LRP1B: variants seen among roughly 807,000 people sequenced by gnomAD.
LRP1B encodes the protein low-density lipoprotein receptor-related protein 1B.
Under a neutral mutation model 556.6 loss-of-function variants are expected in LRP1B, and 217 were observed. The observed-to-expected ratio is 0.39, with a 90% CI of 0.35 to 0.44. LRP1B has a LOEUF of 0.44. LRP1B is among the 20% of genes least tolerant of loss of function. The pLI is 1.00. For synonymous variants in LRP1B, 2,047 were observed against 1,865.8 expected (o/e 1.10, Z -2.50); for missense variants, 5,053 against 5,620.8 (o/e 0.90, Z 3.23).
intron 2 of LRP1B, among the ~76,000 whole-genome samples, chr2:141,541,267 G>C (rs1685250232): frequency 6.6e-6 from 1 of 152,034 alleles, no homozygotes; most frequent in Non-Finnish European, 1.5e-5. Flanking sequence ...CTGCCATCCA[G>C]AAATTCATCT....
intron 3 of LRP1B, among the ~76,000 whole-genome samples, chr2:141,384,137 C>A (rs563758329): frequency 1.1e-4 from 17 of 151,894 alleles, no homozygotes; most frequent in Non-Finnish European, 2.2e-4. Flanking sequence ...GGTGAAAGGT[C>A]AAATTCTGCT....
chr2:141,962,605 G>C (rs1238621820), intron 1 of LRP1B, among the ~76,000 whole-genome samples: 1 of 151,708 alleles, frequency 6.6e-6, no homozygotes, highest in African/African-American at 2.4e-5. Flanking sequence ...ATGAGAAATA[G>C]GATTCAAAAG....
intron 41 of LRP1B, among the ~76,000 whole-genome samples, chr2:140,612,562 G>T (rs1386882256): frequency 6.6e-6 from 1 of 151,898 alleles, no homozygotes; most frequent in Non-Finnish European, 1.5e-5. Context: ...CCTCCTTTGC[G>T]TTTAAGCTTG....
At chr2:140,859,956 C>T (rs1011683069) in intron 27 of LRP1B, among the ~76,000 whole-genome samples, 2 of 152,002 alleles carry the variant, frequency 1.3e-5, no homozygotes, top group African/African-American at 2.4e-5. Context: ...GATCGCACCC[C>T]TGCACTCCAG....
chr2:140,662,972 T>C (rs1199174151), intron 41 of LRP1B, among the ~76,000 whole-genome samples: 1 of 152,158 alleles, frequency 6.6e-6, no homozygotes, highest in Non-Finnish European at 1.5e-5. Context: ...ATGTGTATAA[T>C]TTCCAAATGG....
At chr2:141,869,442 A>T (rs1698514925) in intron 1 of LRP1B, among the ~76,000 whole-genome samples, 1 of 152,028 alleles carries the variant, frequency 6.6e-6, no homozygotes, top group Admixed American at 6.6e-5. Flanking sequence ...ATTATTAACC[A>T]AAATTATATT....
At chr2:141,766,238 A>G (rs1694728838) in intron 2 of LRP1B, among the ~76,000 whole-genome samples, 1 of 152,136 alleles carries the variant, frequency 6.6e-6, no homozygotes, top group East Asian at 1.9e-4. Context: ...AATAGGAAAA[A>G]CCTAGGATAA....
intron 81 of LRP1B, 127 bp from the exon 82 acceptor site, chr2:140,322,215 G>T: frequency 1.2e-6 from 1 of 860,478 alleles, no homozygotes; most frequent in Non-Finnish European, 1.8e-6. Context: ...AATTTCCACT[G>T]ATGTGGAGTA....
At chr2:140,422,655 A>G (rs557380557) in intron 66 of LRP1B, among the ~76,000 whole-genome samples, 65 of 152,330 alleles carry the variant, frequency 4.3e-4, no homozygotes, top group African/African-American at 1.5e-3. Flanking sequence ...GGTTATTTAA[A>G]ATTTCTATTG....
chr2:141,256,788 G>T (rs1684481059), intron 3 of LRP1B, among the ~76,000 whole-genome samples: 2 of 152,026 alleles, frequency 1.3e-5, no homozygotes, highest in Non-Finnish European at 2.9e-5. Flanking sequence ...CAGGGAGAAA[G>T]TGAGAATTTG....
intron 1 of LRP1B, among the ~76,000 whole-genome samples, chr2:142,092,756 G>A (rs1706220266): frequency 6.6e-6 from 1 of 151,356 alleles, no homozygotes; most frequent in African/African-American, 2.4e-5. Flanking sequence ...TATATGAGAT[G>A]GTAAAATCTG....
At chr2:141,354,402 G>C (rs906968586) in intron 3 of LRP1B, among the ~76,000 whole-genome samples, 2 of 151,808 alleles carry the variant, frequency 1.3e-5, no homozygotes, top group Non-Finnish European at 2.9e-5. Flanking sequence ...CCTTTACATA[G>C]AACATAAAAG....
intron 2 of LRP1B, among the ~76,000 whole-genome samples, chr2:141,682,263 A>T (rs764767579): frequency 6.6e-6 from 1 of 152,064 alleles, no homozygotes; most frequent in Admixed American, 6.6e-5. Context: ...GTTAACTAGC[A>T]TTACATATAT....
At chr2:141,940,283 G>T (rs915553690) in intron 1 of LRP1B, among the ~76,000 whole-genome samples, 1 of 151,960 alleles carries the variant, frequency 6.6e-6, no homozygotes, top group Non-Finnish European at 1.5e-5. Context: ...CTGTACAAAG[G>T]TATATATGAT....
intron 1 of LRP1B, among the ~76,000 whole-genome samples, chr2:142,120,920 G>A (rs1288269277): frequency 6.6e-6 from 1 of 152,144 alleles, no homozygotes. Context: ...TGACCATCAT[G>A]TGACTTTTAT....
At chr2:140,541,136 G>A (rs188228738) in intron 44 of LRP1B, 38 bp from the exon 45 acceptor site, 200 of 1,531,154 alleles carry the variant, frequency 1.3e-4, no homozygotes, top group Non-Finnish European at 1.6e-4. Flanking sequence ...ATTTTATATC[G>A]AATTCCTGTT....
intron 66 of LRP1B, among the ~76,000 whole-genome samples, chr2:140,430,651 G>T (rs909236192): frequency 7.2e-5 from 11 of 152,156 alleles, no homozygotes; most frequent in Non-Finnish European, 1.3e-4. Flanking sequence ...CAAGGCAAAT[G>T]GTTCTTAGAC....
intron 35 of LRP1B, among the ~76,000 whole-genome samples, chr2:140,722,985 GT>G (rs1687468747): frequency 6.6e-6 from 1 of 152,196 alleles, no homozygotes; most frequent in Admixed American, 6.5e-5. Flanking sequence ...AGTGATTGCA[GT>G]GAGCCGAGAT....
chr2:142,006,486 C>G (rs888830188), intron 1 of LRP1B, among the ~76,000 whole-genome samples: 5 of 152,132 alleles, frequency 3.3e-5, no homozygotes, highest in African/African-American at 1.2e-4. Flanking sequence ...CAATTCACAT[C>G]ACTGTGACTT....
Sources: gnomAD v4.1 joint callset for allele counts (sites outside exome capture counted in the v4.1 genomes callset) on GRCh38, gnomAD v4.1.1 for gene constraint, MANE v1.5 for transcripts, NCBI Gene and HGNC (gene_info 2026-07-23, HGNC 2026-07-21) for gene names.